PYGB: variants seen among roughly 807,000 people sequenced by gnomAD.
The protein encoded by PYGB is glycogen phosphorylase, brain form.
PYGB carries 82 observed loss-of-function variants against 94.3 expected under a neutral mutation model. That is an observed-to-expected ratio of 0.87 (90% CI 0.73 to 1.04). PYGB has a LOEUF of 1.04. PYGB is among the 50% of genes least tolerant of loss of function. The pLI is 0.00. For missense variants in PYGB, 1,132 were observed against 1,158.2 expected, an observed-to-expected ratio of 0.98 and a Z score of 0.33; for synonymous variants, 488 against 479.1, an observed-to-expected ratio of 1.02 and a Z score of -0.24.
chr20:25,288,462 G>T lies in PYGB; in HGVS notation c.1806G>T (p.Arg602Ser). ...KRDPAKAFVP[R>S]TVMIGGKAAP... ...ACCCGGCCAAGGCTTTTGTGCCCAGGACTGTTATGATTGGGGGCAAGGTGA... is the reference window on the plus strand; with the variant it reads ...ACCCGGCCAAGGCTTTTGTGCCCAGTACTGTTATGATTGGGGGCAAGGTGA... Residue 602 changes from arginine (R) to serine (S), a missense_variant, in exon 15 of 20, where the codon AGG becomes AGT. Coordinates refer to ENST00000216962, the MANE Select transcript of PYGB (RefSeq NM_002862.4). The T allele has an allele frequency of 1.2e-6, 2 of 1,614,130 alleles. No individual in the cohort carries two copies. Among genetic ancestry groups the T allele is most frequent in the Non-Finnish European group, 1.7e-6 (2 of 1,180,000 alleles).
chr20:25,269,795 A>G (rs542728207), intron 3 of PYGB, among the ~76,000 whole-genome samples: 1 of 152,200 alleles, frequency 6.6e-6, no homozygotes, highest in Non-Finnish European at 1.5e-5. Flanking sequence ...TTCACCGCAC[A>G]TCTCATCTCC....
chr20:25,267,217 G>T (rs1248488528), intron 2 of PYGB, among the ~76,000 whole-genome samples: 2 of 152,184 alleles, frequency 1.3e-5, no homozygotes, highest in African/African-American at 4.8e-5. Context: ...CATGCTTATT[G>T]GAAGAAGCCA....
chr20:25,272,360 C>T (rs2088274906), intron 4 of PYGB, among the ~76,000 whole-genome samples: 1 of 152,186 alleles, frequency 6.6e-6, no homozygotes, highest in Non-Finnish European at 1.5e-5. Context: ...GGTGCAGCCT[C>T]CAGGGCTCGT....
At chr20:25,279,946 A>G (rs980466251) in intron 9 of PYGB, among the ~76,000 whole-genome samples, 1 of 152,144 alleles carries the variant, frequency 6.6e-6, no homozygotes, top group Non-Finnish European at 1.5e-5. Context: ...AAACTGCTCA[A>G]TGGTCTGTCC....
At position 25,248,240 on chromosome 20, in the gene PYGB, G is replaced by T; in HGVS notation, c.62G>T (p.Gly21Val). The T allele has an allele frequency of 6.3e-7, 1 of 1,598,260 alleles. No individual in the cohort carries two copies. The highest frequency in any genetic ancestry group is 8.5e-7 in the Non-Finnish European group (1 of 1,173,162). ...RKQISVRGLA[G>V]LGDVAEVRKS... ...CAGATCAGCGTGCGCGGCCTGGCGG[G>T]GCTAGGCGACGTGGCCGAGGTGCGG... is the stretch of plus-strand genomic sequence containing the variant. The change falls in exon 1 of 20, where the codon GGG (glycine) becomes GTG (valine). Residue 21 changes from glycine (G) to valine (V), a missense_variant. Coordinates refer to ENST00000216962, the MANE Select transcript of PYGB (RefSeq NM_002862.4).
At chr20:25,256,073 T>G (rs568880314) in intron 1 of PYGB, among the ~76,000 whole-genome samples, 128 of 152,310 alleles carry the variant, frequency 8.4e-4, no homozygotes, top group Admixed American at 1.9e-3. Flanking sequence ...GGGAAAGTTC[T>G]TTCTTTTTCC....
chr20:25,252,372 G>T (rs535525572), intron 1 of PYGB, among the ~76,000 whole-genome samples: 1 of 152,324 alleles, frequency 6.6e-6, no homozygotes, highest in South Asian at 2.1e-4. Context: ...GGGGGGGTCG[G>T]GGGGTGGTGT....
In PYGB at chr20:25,288,474, T is replaced by G; in HGVS notation, c.1818T>G (p.Ile606Met). 1.2e-6 allele frequency: 2 copies of G among 1,613,840 alleles called. No homozygotes were observed. The highest frequency in any genetic ancestry group is 1.7e-6 in the Non-Finnish European group (2 of 1,179,928). The change falls in exon 15 of 20, where the codon ATT becomes ATG. Residue 606 changes from isoleucine (I) to methionine (M), a missense_variant. Transcript: ENST00000216962. ...CTTTTGTGCCCAGGACTGTTATGAT[T>G]GGGGGCAAGGTGAGTGACTTCCTCT... The part of the protein sequence containing the change: ...AKAFVPRTVM[I>M]GGKAAPGYHM...
chr20:25,263,645 A>G (rs185117314), intron 2 of PYGB, among the ~76,000 whole-genome samples: 17 of 152,386 alleles, frequency 1.1e-4, no homozygotes, highest in Admixed American at 2.0e-4. Context: ...AGAGAATACT[A>G]TAAACACCTC....
At chr20:25,260,529 C>T (rs960860538) in intron 2 of PYGB, among the ~76,000 whole-genome samples, 3 of 152,198 alleles carry the variant, frequency 2.0e-5, no homozygotes, top group African/African-American at 7.2e-5. Flanking sequence ...TGAATAGGAA[C>T]AGCTCCAGTC....
At chr20:25,286,039 G>C (rs1220304112) in intron 14 of PYGB, among the ~76,000 whole-genome samples, 1 of 152,216 alleles carries the variant, frequency 6.6e-6, no homozygotes, top group Non-Finnish European at 1.5e-5. Context: ...ACCGGGCACT[G>C]TCTGGAGGGT....
At chr20:25,289,885 T>C in intron 15 of PYGB, 2 of 533,542 alleles carry the variant, frequency 3.7e-6, no homozygotes, top group African/African-American at 1.9e-5. Flanking sequence ...CCGTCACACC[T>C]AAAGCATTGG....
In PYGB at chr20:25,277,339, C is replaced by G. The variant is rs760331723; in HGVS notation, c.855+13C>G. ...TCCAAATGATAACGTGAGTAGCTGG[C>G]CTGGGCACTCTTGCTCAGGCCGTAT... On this transcript the variant is annotated intron_variant, in intron 7 of 19. Transcript: ENST00000216962. 20 of 1,540,848 alleles carry G rather than the reference C, an allele frequency of 1.3e-5. No individual in the cohort carries two copies.
At chr20:25,284,637 G>C (rs554684334) in intron 14 of PYGB, among the ~76,000 whole-genome samples, 9 of 152,308 alleles carry the variant, frequency 5.9e-5, no homozygotes, top group African/African-American at 2.2e-4. Flanking sequence ...TGTTGCCAAG[G>C]CTGGTCTCGA....
At chr20:25,283,831 G>A (rs2088391940) in intron 13 of PYGB, among the ~76,000 whole-genome samples, 2 of 152,096 alleles carry the variant, frequency 1.3e-5, no homozygotes, top group African/African-American at 4.8e-5. Flanking sequence ...TGCACGCCTG[G>A]CTCTGCAGTG....
chr20:25,253,622 C>CAAAA (rs1299058016), intron 1 of PYGB, among the ~76,000 whole-genome samples: 981 of 90,588 alleles, frequency 0.011, 14 homozygotes, highest in African/African-American at 0.037. Context: ...GCAACTCTGC[C>CAAAA]TAAATAAAAT....
intron 7 of PYGB, among the ~76,000 whole-genome samples, 179 bp downstream of exon 7, chr20:25,277,505 C>T (rs1265002063): frequency 1.3e-5 from 2 of 152,162 alleles, no homozygotes; most frequent in African/African-American, 4.8e-5. Context: ...GTGCACTGTC[C>T]TCCATAAAGC....
At chr20:25,271,578 GC>G in intron 4 of PYGB, 92 bp downstream of exon 4, 2 of 1,382,404 alleles carry the variant, frequency 1.4e-6, no homozygotes, top group Non-Finnish European at 2.0e-6. Flanking sequence ...TACTTCCCAC[GC>G]CCCCGCCAGG....
chr20:25,278,905 C>T, intron 8 of PYGB, 152 bp from the exon 9 acceptor site: 2 of 708,466 alleles, frequency 2.8e-6, no homozygotes, highest in Non-Finnish European at 4.7e-6. Flanking sequence ...GTCCTCCCTG[C>T]TCCCTCCACA....
Sources: allele counts gnomAD v4.1 joint callset (sites outside exome capture counted in the v4.1 genomes callset), GRCh38; gene constraint gnomAD v4.1.1; transcripts MANE v1.5; gene names NCBI Gene and HGNC (gene_info 2026-07-23, HGNC 2026-07-21).